The following ZNF804B variants were observed in gnomAD, a reference collection of about 807,000 sequenced individuals.
The protein encoded by ZNF804B is zinc finger 804B.
A neutral mutation model predicts 101.4 loss-of-function variants in ZNF804B; 80 were observed. That is an observed-to-expected ratio of 0.79 (90% CI 0.66 to 0.95). ZNF804B has a LOEUF of 0.95. Ranked by LOEUF, ZNF804B falls within the 40% of genes least tolerant of loss-of-function variation. The probability of loss-of-function intolerance (pLI) is 0.00; values close to 1 mark genes in which losing one functional copy is unlikely to be tolerated. For missense variants in ZNF804B, 1,673 were observed against 1,561.9 expected (o/e 1.07, Z -1.20); for synonymous variants, 622 against 558.8 (o/e 1.11, Z -1.59).
chr7:89,142,338 G>C (rs561227137), intron 1 of ZNF804B, among the ~76,000 whole-genome samples: 1 of 151,764 alleles, frequency 6.6e-6, no homozygotes, highest in African/African-American at 2.4e-5. Flanking sequence ...TTTTGCTAAA[G>C]ATTTGGCTAA....
chr7:88,854,725 G>T, intron 1 of ZNF804B, among the ~76,000 whole-genome samples: 1 of 149,050 alleles, frequency 6.7e-6, no homozygotes, highest in South Asian at 2.2e-4. Flanking sequence ...TTTAACATTA[G>T]GTATATCTCC....
At chr7:88,832,147 T>G (rs7804445) in intron 1 of ZNF804B, among the ~76,000 whole-genome samples, 34,554 of 149,850 alleles carry the variant, frequency 0.23, 4,833 homozygotes, top group East Asian at 0.7. Context: ...GGTGATGCAT[T>G]TCCACAGGAA....
intron 1 of ZNF804B, among the ~76,000 whole-genome samples, chr7:89,202,675 T>C (rs1788661037): frequency 6.6e-6 from 1 of 152,126 alleles, no homozygotes; most frequent in African/African-American, 2.4e-5. Context: ...ATTTTCCAGA[T>C]GAGGAAATAG....
intron 1 of ZNF804B, chr7:88,794,817 T>G (rs773044004): frequency 3.1e-6 from 5 of 1,613,686 alleles, no homozygotes; most frequent in Non-Finnish European, 3.4e-6. Flanking sequence ...GGAATTTCTT[T>G]AGGTGTAGTC....
chr7:89,279,956 T>C (rs538586130), intron 2 of ZNF804B, among the ~76,000 whole-genome samples: 3 of 152,016 alleles, frequency 2.0e-5, no homozygotes, highest in Admixed American at 2.0e-4. Flanking sequence ...AGAATATACA[T>C]TTTTTTCAAC....
At chr7:89,214,775 T>A (rs1045191169) in intron 1 of ZNF804B, among the ~76,000 whole-genome samples, 1 of 152,142 alleles carries the variant, frequency 6.6e-6, no homozygotes, top group Admixed American at 6.5e-5. Flanking sequence ...AACTAATGAG[T>A]GTAAGACCCA....
intron 1 of ZNF804B, among the ~76,000 whole-genome samples, chr7:89,008,710 C>CATG (rs1035019042): frequency 2.5e-4 from 38 of 152,092 alleles, no homozygotes; most frequent in African/African-American, 8.9e-4. Context: ...GACCATCTGG[C>CATG]ATGATATCCC....
At chr7:89,200,922 C>T (rs935781946) in intron 1 of ZNF804B, among the ~76,000 whole-genome samples, 4 of 151,904 alleles carry the variant, frequency 2.6e-5, no homozygotes, top group African/African-American at 9.7e-5. Context: ...TTTACTTCCC[C>T]TTTTTTCTTT....
chr7:88,759,846 C>T lies in ZNF804B; in HGVS notation c.-131C>T, dbSNP rs2115600039. ...CGGAGCAGGGACGCGCTGCCACCGCCTCCCCCTGCGTCCTGCTGGCCGCGT... is the reference window on the plus strand; with the variant it reads ...CGGAGCAGGGACGCGCTGCCACCGCTTCCCCCTGCGTCCTGCTGGCCGCGT... On this transcript the variant is annotated 5_prime_UTR_variant, in exon 1 of 4. Transcript: ENST00000333190. 2.8e-6 allele frequency: 2 copies of T among 703,508 alleles called. No individual in the cohort carries two copies. Among genetic ancestry groups the T allele is most frequent in the East Asian group, 2.6e-5 (1 of 37,768 alleles). 43.6% of individuals were successfully genotyped at this position (703,508 alleles called of 1,614,324 possible).
intron 1 of ZNF804B, among the ~76,000 whole-genome samples, chr7:88,925,745 C>T (rs1430845161): frequency 1.3e-5 from 2 of 152,030 alleles, no homozygotes; most frequent in Non-Finnish European, 2.9e-5. Context: ...TGCCATTAAA[C>T]ACGGAGAGTA....
At chr7:88,928,969 G>A (rs1173287958) in intron 1 of ZNF804B, among the ~76,000 whole-genome samples, 1 of 151,818 alleles carries the variant, frequency 6.6e-6, no homozygotes, top group East Asian at 1.9e-4. Flanking sequence ...TGTCATTGTG[G>A]CTCAATAAAT....
At chr7:89,116,537 A>G (rs1299433335) in intron 1 of ZNF804B, among the ~76,000 whole-genome samples, 1 of 152,196 alleles carries the variant, frequency 6.6e-6, no homozygotes, top group Admixed American at 6.5e-5. Context: ...TAGCTTTGAA[A>G]TATAATAAAT....
chr7:89,059,503 G>T (rs1381802916), intron 1 of ZNF804B, among the ~76,000 whole-genome samples: 2 of 151,974 alleles, frequency 1.3e-5, no homozygotes, highest in African/African-American at 2.4e-5. Flanking sequence ...AACTGAGCAA[G>T]AACTCACTCA....
intron 2 of ZNF804B, among the ~76,000 whole-genome samples, chr7:89,231,580 ATATG>A (rs1465381827): frequency 6.6e-6 from 1 of 152,000 alleles, no homozygotes; most frequent in Non-Finnish European, 1.5e-5. Context: ...ATTTATACAT[ATATG>A]TCTCTGTTTA....
At chr7:89,327,250 T>C in intron 2 of ZNF804B, 94 bp from the exon 3 acceptor site, 1 of 1,245,718 alleles carries the variant, frequency 8.0e-7, no homozygotes, top group African/African-American at 1.6e-5. Flanking sequence ...AAGTCACCTC[T>C]GCACTTAGGA....
chr7:89,196,323 C>G (rs561621671), intron 1 of ZNF804B, among the ~76,000 whole-genome samples: 1 of 152,104 alleles, frequency 6.6e-6, no homozygotes, highest in African/African-American at 2.4e-5. Context: ...GAAATAAGAC[C>G]ACACACCTAC....
At chr7:88,804,787 A>G (rs912327713) in intron 1 of ZNF804B, among the ~76,000 whole-genome samples, 3 of 152,110 alleles carry the variant, frequency 2.0e-5, no homozygotes, top group African/African-American at 7.2e-5. Flanking sequence ...GCTTTGAACA[A>G]TTGTCACATG....
intron 1 of ZNF804B, among the ~76,000 whole-genome samples, chr7:88,924,817 G>A (rs1792772021): frequency 6.6e-6 from 1 of 152,074 alleles, no homozygotes; most frequent in African/African-American, 2.4e-5. Context: ...CAACAGGAGT[G>A]TCTATTTTGT....
At chr7:89,025,018 T>A (rs535584680) in intron 1 of ZNF804B, among the ~76,000 whole-genome samples, 2 of 152,162 alleles carry the variant, frequency 1.3e-5, no homozygotes, top group African/African-American at 2.4e-5. Context: ...ACATGACCAG[T>A]GTGTGATTTG....
Sources: allele counts gnomAD v4.1 joint callset (sites outside exome capture counted in the v4.1 genomes callset), GRCh38; gene constraint gnomAD v4.1.1; transcripts MANE v1.5; gene names NCBI Gene and HGNC (gene_info 2026-07-23, HGNC 2026-07-21).